BCAT1: variants seen among roughly 807,000 people sequenced by gnomAD.
BCAT1 encodes branched-chain-amino-acid aminotransferase, cytosolic.
A neutral mutation model predicts 52.4 loss-of-function variants in BCAT1; 48 were observed. That is an observed-to-expected ratio of 0.92 (90% CI 0.73 to 1.16). The LOEUF (loss-of-function observed/expected upper bound fraction) is 1.16, where lower values mean the gene tolerates loss of function less well. Among genes scored for constraint, BCAT1 ranks in the 50% most tolerant of loss-of-function variants. BCAT1 has a pLI of 0.00. For missense variants in BCAT1, 451 were observed against 457.1 expected, an observed-to-expected ratio of 0.99 and a Z score of 0.12; for synonymous variants, 167 against 161.3, an observed-to-expected ratio of 1.04 and a Z score of -0.27.
chr12:24,917,408 T>G (rs2139714153), intron 1 of BCAT1, among the ~76,000 whole-genome samples: 1 of 152,290 alleles, frequency 6.6e-6, no homozygotes, highest in East Asian at 1.9e-4. Flanking sequence ...GGTCTCGATC[T>G]CCTGACCTCG....
chr12:24,882,063 C>T (rs533919029), intron 3 of BCAT1, among the ~76,000 whole-genome samples: 1 of 152,326 alleles, frequency 6.6e-6, no homozygotes, highest in Admixed American at 6.5e-5. Flanking sequence ...AAATTTAACA[C>T]AGCTTCTCTA....
At chr12:24,946,993 C>T (rs1428666728) in intron 1 of BCAT1, among the ~76,000 whole-genome samples, 1 of 152,058 alleles carries the variant, frequency 6.6e-6, no homozygotes, top group Non-Finnish European at 1.5e-5. Context: ...AAAATATTGG[C>T]CAGCATTAAA....
At chr12:24,891,909 C>T (rs1028119634) in intron 3 of BCAT1, among the ~76,000 whole-genome samples, 2 of 114,422 alleles carry the variant, frequency 1.7e-5, no homozygotes, top group Admixed American at 1.0e-4. Context: ...CCACCACGCC[C>T]GGCTAATTTT....
chr12:24,862,892 T>A (rs2139523567), intron 5 of BCAT1, among the ~76,000 whole-genome samples: 1 of 152,308 alleles, frequency 6.6e-6, no homozygotes, highest in Admixed American at 6.5e-5. Context: ...ATGTCCTTTG[T>A]CTCTTGCCTG....
intron 1 of BCAT1, among the ~76,000 whole-genome samples, chr12:24,930,143 C>T (rs1001370771): frequency 5.9e-5 from 9 of 152,316 alleles, no homozygotes; most frequent in South Asian, 2.1e-4. Context: ...TGGTCACTTA[C>T]GGATTCTTCA....
intron 5 of BCAT1, among the ~76,000 whole-genome samples, chr12:24,855,767 T>A (rs980898700): frequency 2.6e-5 from 4 of 152,120 alleles, no homozygotes; most frequent in African/African-American, 4.8e-5. Flanking sequence ...GCTGATTCCA[T>A]CTTTATTTTT....
chr12:24,888,831 G>C lies in BCAT1; in HGVS notation c.279+5444C>G, dbSNP rs943149278. On this transcript the variant is annotated intron_variant, in intron 3 of 10. Coordinates refer to ENST00000261192, the MANE Select transcript of BCAT1 (RefSeq NM_005504.7). ...AGCAGCCCCTTTCTAAAGAAGAGCA[G>C]CCTGTAAAATCAAGCTGCAGACATA... Among the ~76,000 whole-genome samples the C allele has an allele frequency of 1.6e-4, 24 of 152,168 alleles. 1 individual carries two copies. Among genetic ancestry groups the C allele is most frequent in the African/African-American group, 5.8e-4 (24 of 41,430 alleles).
At chr12:24,871,442 C>T (rs1035139039) in intron 5 of BCAT1, among the ~76,000 whole-genome samples, 1 of 151,634 alleles carries the variant, frequency 6.6e-6, no homozygotes, top group East Asian at 1.9e-4. Flanking sequence ...CAGTGCTGGG[C>T]GAAAAAGAGA....
chr12:24,943,063 A>G lies in BCAT1; in HGVS notation c.6+5864T>C, dbSNP rs12321731. Among the ~76,000 whole-genome samples the G allele has an allele frequency of 7.3e-3, 1,106 of 152,252 alleles. 14 individuals are homozygous for G. Among genetic ancestry groups the G allele is most frequent in the African/African-American group, 0.025 (1,056 of 41,538 alleles). Reference sequence around the variant, plus strand: ...CTCCACTGCTCTGAATAACTAAACCATTTCAGTCTTTTCTACCTGTCTTCC... The same window carrying G: ...CTCCACTGCTCTGAATAACTAAACCGTTTCAGTCTTTTCTACCTGTCTTCC... On this transcript the variant is annotated intron_variant, in intron 1 of 10. Coordinates refer to ENST00000261192, the MANE Select transcript of BCAT1 (RefSeq NM_005504.7).
chr12:24,902,535 C>T (rs897263147), intron 1 of BCAT1: 2 of 523,802 alleles, frequency 3.8e-6, no homozygotes, highest in African/African-American at 4.1e-5. Context: ...AGGAAGAGAT[C>T]CAAGGAGGCA....
chr12:24,863,307 TA>T (rs1197871698), intron 5 of BCAT1, among the ~76,000 whole-genome samples: 1 of 152,244 alleles, frequency 6.6e-6, no homozygotes, highest in East Asian at 1.9e-4. Context: ...TCGATATTTT[TA>T]AGCACGCAAA....
chr12:24,829,400 T>C (rs566051541), intron 10 of BCAT1, among the ~76,000 whole-genome samples: 2 of 152,190 alleles, frequency 1.3e-5, no homozygotes, highest in South Asian at 2.1e-4. Flanking sequence ...TAAAAAGACA[T>C]AAAAAATTAA....
At chr12:24,884,795 A>G (rs1190493973) in intron 3 of BCAT1, among the ~76,000 whole-genome samples, 1 of 152,202 alleles carries the variant, frequency 6.6e-6, no homozygotes, top group Admixed American at 6.5e-5. Context: ...TAAAAAAATC[A>G]ATTAATGTGA....
At chr12:24,839,744 A>G (rs941413951) in intron 7 of BCAT1, among the ~76,000 whole-genome samples, 4 of 152,176 alleles carry the variant, frequency 2.6e-5, no homozygotes, top group African/African-American at 7.2e-5. Flanking sequence ...ACGGCAGGCT[A>G]TTACCGAAAG....
At chr12:24,819,292 C>T (rs1940013264) in intron 10 of BCAT1, among the ~76,000 whole-genome samples, 1 of 152,090 alleles carries the variant, frequency 6.6e-6, no homozygotes. Context: ...CAGACTATGT[C>T]TATTTTCACA....
chr12:24,816,460 A>C lies in BCAT1; in HGVS notation c.*1548T>G, dbSNP rs1339654801. On this transcript the variant is annotated 3_prime_UTR_variant, in exon 11 of 11. Transcript: ENST00000261192. ...ATACAATTTTAACTCACAGCTCCTA[A>C]ACAAGGAAAATATCACCCATAGTAG... 2.5e-6 allele frequency: 1 copy of C among 397,842 alleles called. No individual in the cohort carries two copies. Among genetic ancestry groups the C allele is most frequent in the African/African-American group, 2.1e-5 (1 of 48,550 alleles). 24.6% of individuals were successfully genotyped at this position (397,842 alleles called of 1,614,324 possible).
At chr12:24,948,337 G>A (rs1412645674) in intron 1 of BCAT1, among the ~76,000 whole-genome samples, 2 of 152,206 alleles carry the variant, frequency 1.3e-5, no homozygotes, top group Non-Finnish European at 2.9e-5. Context: ...GAGCCATTAG[G>A]GTGCTCACTG....
intron 6 of BCAT1, among the ~76,000 whole-genome samples, chr12:24,845,623 T>C (rs1484692642): frequency 6.6e-6 from 1 of 152,376 alleles, no homozygotes; most frequent in East Asian, 1.9e-4. Context: ...TATTTTTCCC[T>C]CATTTAATTA....
intron 6 of BCAT1, among the ~76,000 whole-genome samples, chr12:24,842,566 T>A (rs1941207872): frequency 6.6e-6 from 1 of 152,220 alleles, no homozygotes; most frequent in African/African-American, 2.4e-5. Context: ...ATGAATTATT[T>A]CATTTAAATC....
Sources: gnomAD v4.1 joint callset for allele counts (sites outside exome capture counted in the v4.1 genomes callset) on GRCh38, gnomAD v4.1.1 for gene constraint, MANE v1.5 for transcripts, NCBI Gene and HGNC (gene_info 2026-07-23, HGNC 2026-07-21) for gene names.